The following TUNAR variants were observed in gnomAD, a reference collection of about 807,000 sequenced individuals.
The protein encoded by TUNAR is protein TUNAR.
In TUNAR at chr14:95,891,119, A is replaced by C. The variant is rs1332460088; in HGVS notation, c.12+13942A>C. Reference sequence around the variant, plus strand: ...GGTCGAACTAACATTCGCAAATTAGAAATCTGTGTTGGCAAACACTTTTAA... The same window carrying C: ...GGTCGAACTAACATTCGCAAATTAGCAATCTGTGTTGGCAAACACTTTTAA... On this transcript the variant is annotated intron_variant, in intron 2 of 2. Coordinates refer to ENST00000678517, the Ensembl canonical transcript of TUNAR. 5.3e-5 allele frequency among the ~76,000 whole-genome samples: 8 copies of C among 152,372 alleles called. No homozygotes were observed. In the South Asian group the frequency reaches 1.7e-3, roughly 32 times the overall value.
At chr14:95,887,881 C>T (rs1156848306) in intron 2 of TUNAR, among the ~76,000 whole-genome samples, 1 of 152,196 alleles carries the variant, frequency 6.6e-6, no homozygotes, top group Non-Finnish European at 1.5e-5. Context: ...AGCATCTGAC[C>T]TCAGTTCCTT....
chr14:95,897,623 A>C lies in TUNAR; in HGVS notation c.12+20446A>C, dbSNP rs115978649. ...ACATTGCTATAATTATTGCTGCATC[A>C]GAAGTGGCTAATGCTGGGTTAACTC... On this transcript the variant is annotated intron_variant, in intron 2 of 2. Transcript: ENST00000678517. 6.4e-3 allele frequency among the ~76,000 whole-genome samples: 970 copies of C among 152,308 alleles called. 13 individuals are homozygous for C. The highest frequency in any genetic ancestry group is 0.022 in the African/African-American group (919 of 41,566).
chr14:95,920,824 G>A (rs904326437), intron 2 of TUNAR, among the ~76,000 whole-genome samples: 2 of 152,068 alleles, frequency 1.3e-5, no homozygotes, highest in Non-Finnish European at 2.9e-5. Flanking sequence ...GATAGCATTC[G>A]AATGAGAGAA....
chr14:95,876,638 G>C (rs1395839790), intron 1 of TUNAR, 194 bp from the exon 1 acceptor site: 1 of 152,518 alleles, frequency 6.6e-6, no homozygotes, highest in Non-Finnish European at 1.5e-5. Flanking sequence ...AGGAAGCAGT[G>C]GGGGGCGCTC....
exon 2 of TUNAR, chr14:95,877,069 T>G (rs1267369142): frequency 6.6e-6 from 1 of 152,234 alleles, no homozygotes; most frequent in African/African-American, 2.4e-5. Flanking sequence ...AGCCTCCTTT[T>G]TTTCCTTCTC....
chr14:95,893,649 C>A (rs1889214237), intron 2 of TUNAR, among the ~76,000 whole-genome samples: 1 of 151,714 alleles, frequency 6.6e-6, no homozygotes, highest in South Asian at 2.1e-4. Flanking sequence ...ATAGACAAGA[C>A]CCGTTGCCAG....
chr14:95,906,576 T>C (rs1249052599), intron 2 of TUNAR, among the ~76,000 whole-genome samples: 2 of 152,264 alleles, frequency 1.3e-5, no homozygotes, highest in East Asian at 1.9e-4. Context: ...TTGTGTACAG[T>C]CTTTTTGTCC....
exon 3 of TUNAR, chr14:95,923,079 A>AC: frequency 2.5e-6 from 1 of 397,812 alleles, no homozygotes; most frequent in East Asian, 3.6e-5. Context: ...CGCACATACC[A>AC]CCCAATCAAA....
intron 2 of TUNAR, among the ~76,000 whole-genome samples, chr14:95,892,784 T>C (rs1190566651): frequency 6.6e-6 from 1 of 152,158 alleles, no homozygotes; most frequent in Non-Finnish European, 1.5e-5. Flanking sequence ...TGGGGTTCCA[T>C]GAGATGATGC....
intron 2 of TUNAR, among the ~76,000 whole-genome samples, chr14:95,916,425 C>T (rs1248000233): frequency 6.6e-6 from 1 of 152,192 alleles, no homozygotes; most frequent in Non-Finnish European, 1.5e-5. Context: ...ATTGTATTTG[C>T]AATTCATCCA....
chr14:95,882,447 A>G (rs912118199), intron 2 of TUNAR, among the ~76,000 whole-genome samples: 2 of 152,106 alleles, frequency 1.3e-5, no homozygotes, highest in Admixed American at 1.3e-4. Context: ...CACAAAATAA[A>G]TTCACTAAGA....
chr14:95,918,787 A>C (rs188339274), intron 2 of TUNAR, among the ~76,000 whole-genome samples: 21 of 152,290 alleles, frequency 1.4e-4, no homozygotes, highest in Admixed American at 1.3e-3. Flanking sequence ...GTTTTGCTTG[A>C]GTGACTGTGA....
chr14:95,886,279 C>T lies in TUNAR; in HGVS notation c.12+9102C>T, dbSNP rs1034954245. Among the ~76,000 whole-genome samples, 6 of 152,324 alleles carry T rather than the reference C, an allele frequency of 3.9e-5. No individual in the cohort carries two copies. The South Asian group carries it at 6.2e-4, about 16-fold the overall frequency. Reference sequence around the variant, plus strand: ...AGGGGGACATGGTCTGGAATCAAGGCGTGTGCCACTCAGTGACCATTTGCT... The same window carrying T: ...AGGGGGACATGGTCTGGAATCAAGGTGTGTGCCACTCAGTGACCATTTGCT... On this transcript the variant is annotated intron_variant, in intron 2 of 2. Transcript: ENST00000678517.
chr14:95,909,859 G>A (rs1230270321), intron 2 of TUNAR, among the ~76,000 whole-genome samples: 1 of 152,186 alleles, frequency 6.6e-6, no homozygotes, highest in Middle Eastern at 3.2e-3. Context: ...ATCCGAAGAC[G>A]GGGTCCTGGG....
intron 2 of TUNAR, among the ~76,000 whole-genome samples, chr14:95,883,260 A>G (rs888829060): frequency 7.9e-5 from 12 of 152,242 alleles, no homozygotes; most frequent in African/African-American, 2.9e-4. Context: ...CTTCTACAGC[A>G]GGGCTGGTTG....
chr14:95,879,671 A>G (rs1888946349), intron 2 of TUNAR, among the ~76,000 whole-genome samples: 1 of 149,856 alleles, frequency 6.7e-6, no homozygotes, highest in Non-Finnish European at 1.5e-5. Context: ...TCGAGAATAA[A>G]TTCTTCCTTT....
chr14:95,905,283 T>C (rs1182039629), intron 2 of TUNAR, among the ~76,000 whole-genome samples: 1 of 152,182 alleles, frequency 6.6e-6, no homozygotes, highest in East Asian at 1.9e-4. Context: ...GCACCAGTTT[T>C]CCCACAAATG....
At chr14:95,887,663 G>A (rs780155391) in intron 2 of TUNAR, among the ~76,000 whole-genome samples, 1 of 152,142 alleles carries the variant, frequency 6.6e-6, no homozygotes, top group Non-Finnish European at 1.5e-5. Context: ...ATAAATTATT[G>A]CAGTTTCGGA....
intron 2 of TUNAR, among the ~76,000 whole-genome samples, chr14:95,906,855 C>G (rs1889433554): frequency 6.6e-6 from 1 of 152,236 alleles, no homozygotes. Context: ...ACTTCCTCCC[C>G]ATCCTCGCCA....
Sources: allele counts gnomAD v4.1 joint callset (sites outside exome capture counted in the v4.1 genomes callset), GRCh38; gene constraint gnomAD v4.1.1; transcripts MANE v1.5; gene names NCBI Gene and HGNC (gene_info 2026-07-23, HGNC 2026-07-21).